The following GRXCR1 variants were observed in gnomAD, a reference collection of about 807,000 sequenced individuals.
GRXCR1 encodes glutaredoxin domain-containing cysteine-rich protein 1.
A neutral mutation model predicts 27.3 loss-of-function variants in GRXCR1; 27 were observed. That is an observed-to-expected ratio of 0.99 (90% CI 0.73 to 1.37). GRXCR1 has a LOEUF of 1.37. GRXCR1 is among the 40% of genes most tolerant of loss of function. The probability of loss-of-function intolerance (pLI) is 0.00; values close to 1 mark genes in which losing one functional copy is unlikely to be tolerated. For missense variants in GRXCR1, 379 were observed against 354.4 expected (o/e 1.07, Z -0.56); for synonymous variants, 122 against 131.1 (o/e 0.93, Z 0.47).
chr4:42,917,675 A>G, intron 1 of GRXCR1, among the ~76,000 whole-genome samples: 1 of 152,150 alleles, frequency 6.6e-6, no homozygotes, highest in East Asian at 1.9e-4. Flanking sequence ...AGGGTGAATA[A>G]ATTTTACTGG....
intron 1 of GRXCR1, among the ~76,000 whole-genome samples, chr4:42,915,462 CT>C (rs552374690): frequency 2.0e-5 from 3 of 151,962 alleles, no homozygotes; most frequent in African/African-American, 7.3e-5. Flanking sequence ...CTCTTTCTCT[CT>C]TTTTTTTCCT....
chr4:42,926,270 T>A (rs980382598), intron 1 of GRXCR1, among the ~76,000 whole-genome samples: 4 of 151,958 alleles, frequency 2.6e-5, no homozygotes, highest in Non-Finnish European at 5.9e-5. Context: ...CAACCCTGGG[T>A]GAATACAGGT....
chr4:42,990,909 G>A (rs1452665699), intron 2 of GRXCR1, among the ~76,000 whole-genome samples: 1 of 151,940 alleles, frequency 6.6e-6, no homozygotes, highest in African/African-American at 2.4e-5. Context: ...CAAATATTCT[G>A]TATTTTAATC....
intron 1 of GRXCR1, among the ~76,000 whole-genome samples, chr4:42,893,899 T>G (rs528218919): frequency 1.1e-4 from 16 of 152,272 alleles, no homozygotes; most frequent in African/African-American, 2.9e-4. Context: ...TTCCAGTGTG[T>G]GATGACTAAT....
chr4:42,894,424 CATT>C (rs2109734123), intron 1 of GRXCR1, among the ~76,000 whole-genome samples: 1 of 152,046 alleles, frequency 6.6e-6, no homozygotes, highest in African/African-American at 2.4e-5. Flanking sequence ...AAACAGATAT[CATT>C]ATGTCGGGAA....
intron 1 of GRXCR1, among the ~76,000 whole-genome samples, chr4:42,942,942 A>G (rs1222233269): frequency 6.6e-6 from 1 of 152,086 alleles, no homozygotes; most frequent in African/African-American, 2.4e-5. Flanking sequence ...AATAAATGAC[A>G]CAGGAAAGCA....
intron 1 of GRXCR1, among the ~76,000 whole-genome samples, chr4:42,955,861 A>G (rs1385567705): frequency 2.6e-5 from 4 of 152,082 alleles, no homozygotes; most frequent in Non-Finnish European, 4.4e-5. Context: ...CTAAAAAGAC[A>G]TAGCTTGAAA....
At chr4:42,973,400 G>T (rs10003425) in intron 2 of GRXCR1, among the ~76,000 whole-genome samples, 4,009 of 151,718 alleles carry the variant, frequency 0.026, 172 homozygotes, top group African/African-American at 0.092. Context: ...AAGTTCCATT[G>T]CCATTTCCTG....
chr4:43,007,775 ATG>A (rs1165596702), intron 2 of GRXCR1, among the ~76,000 whole-genome samples: 2 of 152,224 alleles, frequency 1.3e-5, no homozygotes, highest in African/African-American at 4.8e-5. Flanking sequence ...TAGTAGCTAC[ATG>A]CTTTAGCTTA....
intron 1 of GRXCR1, among the ~76,000 whole-genome samples, chr4:42,914,599 C>T (rs1746843387): frequency 6.6e-6 from 1 of 152,042 alleles, no homozygotes; most frequent in African/African-American, 2.4e-5. Context: ...TGGACTTGGA[C>T]TTTTGAGTTA....
chr4:42,934,275 C>T (rs1747403510), intron 1 of GRXCR1, among the ~76,000 whole-genome samples: 1 of 150,682 alleles, frequency 6.6e-6, no homozygotes, highest in South Asian at 2.1e-4. Context: ...TGTATCCACA[C>T]AGTTTAGCAT....
chr4:42,988,365 A>G (rs549430584), intron 2 of GRXCR1, among the ~76,000 whole-genome samples: 1 of 152,230 alleles, frequency 6.6e-6, no homozygotes, highest in Non-Finnish European at 1.5e-5. Flanking sequence ...TATAATAAAA[A>G]TAAAAATATC....
At chr4:42,980,841 A>AT (rs1006215061) in intron 2 of GRXCR1, among the ~76,000 whole-genome samples, 1 of 151,864 alleles carries the variant, frequency 6.6e-6, no homozygotes, top group African/African-American at 2.4e-5. Context: ...CATTTATAAT[A>AT]TTTTTTGGTT....
At chr4:42,988,916 C>G (rs1711868092) in intron 2 of GRXCR1, among the ~76,000 whole-genome samples, 1 of 152,122 alleles carries the variant, frequency 6.6e-6, no homozygotes, top group African/African-American at 2.4e-5. Context: ...AAATTTCTCT[C>G]TATTATAATC....
intron 2 of GRXCR1, among the ~76,000 whole-genome samples, chr4:42,984,175 T>C (rs1418079567): frequency 6.6e-6 from 1 of 152,232 alleles, no homozygotes; most frequent in African/African-American, 2.4e-5. Context: ...CTGCTATTAA[T>C]GCCTCTATCG....
rs376573747 is a variant in GRXCR1 at position 43,030,491 on chromosome 4, C to T, written c.824C>T (p.Thr275Met). Residue 275 changes from threonine (T) to methionine (M), a missense_variant, in exon 4 of 4, where the codon ACG (threonine) becomes ATG (methionine). By Grantham distance (81) the Thr-to-Met change is moderately conservative. Transcript: ENST00000399770. Reference sequence around the variant, plus strand: ...GACTCTTTCAAAGCCCTGAAGTGTACGGCTTGCAATGAAAATGGTCTTCAG... The same window carrying T: ...GACTCTTTCAAAGCCCTGAAGTGTATGGCTTGCAATGAAAATGGTCTTCAG... ...FTDSFKALKCTACNENGLQRC... is the reference protein window; with the variant it reads ...FTDSFKALKCMACNENGLQRC... 25 of 1,613,888 alleles carry T rather than the reference C, an allele frequency of 1.5e-5. No homozygotes were observed. Among genetic ancestry groups the T allele is most frequent in the South Asian group, 3.3e-5 (3 of 91,086 alleles).
intron 1 of GRXCR1, among the ~76,000 whole-genome samples, chr4:42,960,407 T>C (rs942270642): frequency 2.0e-5 from 3 of 151,952 alleles, no homozygotes; most frequent in Non-Finnish European, 1.5e-5. Context: ...CCTTGCTTGC[T>C]GATACCTGTT....
chr4:42,946,259 G>T lies in GRXCR1; in HGVS notation c.385-16633G>T, dbSNP rs529729598. 6.1e-5 allele frequency among the ~76,000 whole-genome samples: 9 copies of T among 147,948 alleles called. No individual in the cohort carries two copies. In the South Asian group the frequency reaches 8.4e-4, roughly 14 times the overall value. The stretch of plus-strand genomic sequence containing the variant: ...AAAATTGTTAATGAGACAGGAAAAA[G>T]GTCACTGCAAATGCTTCCTTAAGTG... On this transcript the variant is annotated intron_variant, in intron 1 of 3. Transcript: ENST00000399770.
intron 2 of GRXCR1, among the ~76,000 whole-genome samples, chr4:42,987,229 T>TTATATATATATATATTA (rs1349228105): frequency 4.9e-4 from 45 of 92,226 alleles, no homozygotes; most frequent in East Asian, 3.0e-3. Flanking sequence ...ATATTATATA[T>TTATATATATATATATTA]TATATATATA....
Sources: allele counts gnomAD v4.1 joint callset (sites outside exome capture counted in the v4.1 genomes callset), GRCh38; gene constraint gnomAD v4.1.1; transcripts MANE v1.5; gene names NCBI Gene and HGNC (gene_info 2026-07-23, HGNC 2026-07-21).